Variants in PHLPP1 observed in about 807,000 individuals in gnomAD.
PHLPP1 encodes the protein PH domain leucine-rich repeat-containing protein phosphatase 1.
PHLPP1 carries 42 observed loss-of-function variants against 117.2 expected under a neutral mutation model. The observed-to-expected ratio is 0.36, with a 90% CI of 0.28 to 0.46. The LOEUF is 0.46. PHLPP1 is among the 20% of genes least tolerant of loss of function. The pLI is 1.00. For synonymous variants in PHLPP1, 1,042 were observed against 970.7 expected, an observed-to-expected ratio of 1.07 and a Z score of -1.37; for missense variants, 2,084 against 2,241.9, an observed-to-expected ratio of 0.93 and a Z score of 1.42.
At chr18:62,971,196 T>C (rs1416606669) in intron 14 of PHLPP1, among the ~76,000 whole-genome samples, 1 of 152,164 alleles carries the variant, frequency 6.6e-6, no homozygotes, top group Admixed American at 6.5e-5. Flanking sequence ...TTCATGTTTG[T>C]CTTGCTTGCA....
chr18:62,967,555 A>G (rs1461780599), intron 14 of PHLPP1, among the ~76,000 whole-genome samples: 2 of 151,952 alleles, frequency 1.3e-5, no homozygotes, highest in Admixed American at 6.6e-5. Context: ...ATCAAATGTG[A>G]TGTTAGCTCT....
chr18:62,757,065 T>C (rs1029691411), intron 1 of PHLPP1, among the ~76,000 whole-genome samples: 3 of 152,196 alleles, frequency 2.0e-5, no homozygotes, highest in African/African-American at 7.2e-5. Flanking sequence ...AGGGGTATCC[T>C]TAACGTTAAA....
At chr18:62,818,387 T>G (rs1392401567) in intron 1 of PHLPP1, among the ~76,000 whole-genome samples, 3 of 151,812 alleles carry the variant, frequency 2.0e-5, no homozygotes, top group Non-Finnish European at 4.4e-5. Context: ...TAAAAATTAC[T>G]CTGGTGGCGG....
chr18:62,960,635 C>T (rs948496613), intron 13 of PHLPP1, among the ~76,000 whole-genome samples: 6 of 152,102 alleles, frequency 3.9e-5, no homozygotes, highest in African/African-American at 1.4e-4. Context: ...GATGTTCAAA[C>T]TTATAAGTAT....
At chr18:62,876,773 C>T (rs931234189) in intron 4 of PHLPP1, among the ~76,000 whole-genome samples, 2 of 152,146 alleles carry the variant, frequency 1.3e-5, no homozygotes, top group African/African-American at 4.8e-5. Flanking sequence ...GGAACTCAGG[C>T]TTGTGTGATT....
chr18:62,920,029 C>T lies in PHLPP1; in HGVS notation c.2875C>T (p.Leu959=). The change falls in exon 10 of 17, where the codon CTA becomes TTA. Residue 959 remains leucine (L), a synonymous_variant. Coordinates refer to ENST00000262719, the MANE Select transcript of PHLPP1 (RefSeq NM_194449.4). ...HNQLARLPER[L]ERTSVEVLDV... ...CCAGTTGGCAAGGCTGCCTGAAAGG[C>T]TAGAAAGAACCTCGGTGGAGGTCTT... 6.2e-7 allele frequency: 1 copy of T among 1,612,470 alleles called. No individual in the cohort carries two copies. The highest frequency in any genetic ancestry group is 8.5e-7 in the Non-Finnish European group (1 of 1,179,170).
chr18:62,737,164 G>A (rs1911392124), intron 1 of PHLPP1, among the ~76,000 whole-genome samples: 2 of 152,106 alleles, frequency 1.3e-5, no homozygotes, highest in East Asian at 3.8e-4. Context: ...AGGATTCCTG[G>A]GAAAGATTCT....
At chr18:62,793,761 G>A (rs928887782) in intron 1 of PHLPP1, among the ~76,000 whole-genome samples, 2 of 152,094 alleles carry the variant, frequency 1.3e-5, no homozygotes, top group African/African-American at 4.8e-5. Context: ...TCAAACACAG[G>A]CCTGTCTGAC....
chr18:62,808,664 G>A (rs866018259), intron 1 of PHLPP1, among the ~76,000 whole-genome samples: 9 of 151,312 alleles, frequency 5.9e-5, no homozygotes, highest in Non-Finnish European at 1.2e-4. Context: ...CGATTCTCCT[G>A]CCTCAGCCTC....
intron 1 of PHLPP1, among the ~76,000 whole-genome samples, chr18:62,744,973 A>G (rs1482873562): frequency 1.3e-5 from 2 of 152,234 alleles, no homozygotes; most frequent in Non-Finnish European, 2.9e-5. Context: ...AAAGGAAGGA[A>G]GTACAGCATG....
intron 4 of PHLPP1, among the ~76,000 whole-genome samples, chr18:62,885,221 A>G (rs1916256583): frequency 6.6e-6 from 1 of 152,220 alleles, no homozygotes; most frequent in Non-Finnish European, 1.5e-5. Flanking sequence ...CAACTTTGAC[A>G]CTGTAAAACA....
At chr18:62,823,603 C>T (rs573259445) in intron 1 of PHLPP1, among the ~76,000 whole-genome samples, 1 of 149,296 alleles carries the variant, frequency 6.7e-6, no homozygotes, top group South Asian at 2.1e-4. Flanking sequence ...TATATATCTA[C>T]ATAAATATAT....
chr18:62,761,674 A>G (rs1473924656), intron 1 of PHLPP1, among the ~76,000 whole-genome samples: 2 of 151,800 alleles, frequency 1.3e-5, no homozygotes, highest in African/African-American at 2.4e-5. Context: ...AAATAAAAAA[A>G]AAAAGAAATG....
chr18:62,939,850 G>A (rs967649703), intron 10 of PHLPP1, among the ~76,000 whole-genome samples: 1 of 151,636 alleles, frequency 6.6e-6, no homozygotes, highest in African/African-American at 2.4e-5. Flanking sequence ...TTCTCTCCAA[G>A]ATTAAAAATA....
chr18:62,793,055 G>T (rs1250917083), intron 1 of PHLPP1, among the ~76,000 whole-genome samples: 1 of 151,634 alleles, frequency 6.6e-6, no homozygotes, highest in African/African-American at 2.4e-5. Flanking sequence ...CATGCCTGTA[G>T]TCCCAGCAAC....
chr18:62,792,307 C>G (rs1238843135), intron 1 of PHLPP1, among the ~76,000 whole-genome samples: 1 of 152,154 alleles, frequency 6.6e-6, no homozygotes, highest in Non-Finnish European at 1.5e-5. Context: ...CAGAGTAAAA[C>G]TGTAATTTGC....
At chr18:62,841,800 G>A (rs1441710789) in intron 3 of PHLPP1, among the ~76,000 whole-genome samples, 1 of 152,130 alleles carries the variant, frequency 6.6e-6, no homozygotes, top group Non-Finnish European at 1.5e-5. Context: ...ATTTCTAAGA[G>A]GGCAGAGGGA....
chr18:62,964,690 T>C (rs965581831), intron 14 of PHLPP1, among the ~76,000 whole-genome samples: 11 of 152,200 alleles, frequency 7.2e-5, no homozygotes, highest in Non-Finnish European at 5.9e-5. Flanking sequence ...CAGAGGAGAA[T>C]TCATATATTC....
intron 4 of PHLPP1, among the ~76,000 whole-genome samples, chr18:62,881,862 G>A (rs189049912): frequency 6.6e-6 from 1 of 152,346 alleles, no homozygotes; most frequent in East Asian, 1.9e-4. Context: ...GTTTGGGGGT[G>A]TGGACAACAG....
Sources: allele counts gnomAD v4.1 joint callset (sites outside exome capture counted in the v4.1 genomes callset), GRCh38; gene constraint gnomAD v4.1.1; transcripts MANE v1.5; gene names NCBI Gene and HGNC (gene_info 2026-07-23, HGNC 2026-07-21).